Variants in MINDY3 observed in about 807,000 individuals in gnomAD.
The protein encoded by MINDY3 is ubiquitin carboxyl-terminal hydrolase MINDY-3.
A neutral mutation model predicts 69.2 loss-of-function variants in MINDY3; 38 were observed. That is an observed-to-expected ratio of 0.55 (90% confidence interval 0.42 to 0.72). MINDY3 has a LOEUF of 0.72. Ranked by LOEUF, MINDY3 falls within the 30% of genes least tolerant of loss-of-function variation. The probability of loss-of-function intolerance (pLI) is 0.00; values close to 1 mark genes in which losing one functional copy is unlikely to be tolerated. For missense variants in MINDY3, 522 were observed against 519.0 expected (o/e 1.01, Z -0.06); for synonymous variants, 192 against 180.1 (o/e 1.07, Z -0.53).
At chr10:15,845,228 A>G (rs1330275981) in intron 2 of MINDY3, among the ~76,000 whole-genome samples, 1 of 152,140 alleles carries the variant, frequency 6.6e-6, no homozygotes, top group Non-Finnish European at 1.5e-5. Flanking sequence ...ATGGAAGTTT[A>G]TTTTATTTCA....
chr10:15,849,731 A>T (rs1260875181), intron 1 of MINDY3, among the ~76,000 whole-genome samples: 1 of 152,134 alleles, frequency 6.6e-6, no homozygotes, highest in East Asian at 1.9e-4. Context: ...ATTCCATCCC[A>T]TCTCCTCTCT....
chr10:15,824,441 T>C (rs1839959907), intron 8 of MINDY3, among the ~76,000 whole-genome samples: 1 of 152,214 alleles, frequency 6.6e-6, no homozygotes, highest in Admixed American at 6.5e-5. Flanking sequence ...TCTCAATCTT[T>C]AACATGAAAA....
intron 8 of MINDY3, among the ~76,000 whole-genome samples, chr10:15,830,738 G>T (rs1840398815): frequency 6.6e-6 from 1 of 152,224 alleles, no homozygotes; most frequent in South Asian, 2.1e-4. Flanking sequence ...TAGGAAAAAG[G>T]CTACGATTTT....
chr10:15,789,326 GGGA>G lies in MINDY3; in HGVS notation c.956-10_956-8del. The stretch of plus-strand genomic sequence containing the variant: ...TCGGGTATGAATCCATTATCTAGGG[GGGA>G]AAAAATCAGAAACAACTTGAAATAA... On this transcript the variant is annotated splice_region_variant and splice_polypyrimidine_tract_variant and intron_variant, in intron 11 of 14. Transcript: ENST00000277632. 6.2e-7 allele frequency: 1 copy of G among 1,605,818 alleles called. No individual in the cohort carries two copies. The highest frequency in any genetic ancestry group is 8.5e-7 in the Non-Finnish European group (1 of 1,174,084).
Position 15,837,278 on chromosome 10 carries a change from C to G in MINDY3, c.502G>C (p.Val168Leu). 3.7e-6 allele frequency: 6 copies of G among 1,606,524 alleles called. No individual in the cohort carries two copies. The highest frequency in any genetic ancestry group is 5.1e-6 in the Non-Finnish European group (6 of 1,176,728). Reference protein sequence around the residue: ...FRSLPELKDAVLDQYSMWGNK... With the variant: ...FRSLPELKDALLDQYSMWGNK... The stretch of plus-strand genomic sequence containing the variant: ...CCCCACATTGAATACTGGTCCAAGA[C>G]AGCATCTTTTAATTCTGGTAAACTT... The change falls in exon 6 of 15, where the codon GTC (valine) becomes CTC (leucine). Residue 168 changes from valine to leucine, a missense_variant. Physicochemically the swap from Val to Leu is conservative, Grantham distance 32 (BLOSUM62 1). Coordinates refer to ENST00000277632, the MANE Select transcript of MINDY3 (RefSeq NM_024948.4).
intron 10 of MINDY3, among the ~76,000 whole-genome samples, chr10:15,799,672 T>C (rs1308961160): frequency 1.3e-5 from 2 of 152,100 alleles, no homozygotes; most frequent in East Asian, 1.9e-4. Context: ...TGTGACTTCA[T>C]AGCACACAGG....
chr10:15,853,399 G>T (rs1313680013), intron 1 of MINDY3, among the ~76,000 whole-genome samples: 1 of 152,048 alleles, frequency 6.6e-6, no homozygotes. Context: ...CATTCACAGT[G>T]ATGGTACAAA....
At chr10:15,848,191 A>G (rs182134453) in intron 1 of MINDY3, among the ~76,000 whole-genome samples, 92 of 152,342 alleles carry the variant, frequency 6.0e-4, no homozygotes, top group Middle Eastern at 3.4e-3. Context: ...TAGGAGGATA[A>G]AGTATGGACT....
chr10:15,836,841 C>T (rs1037087644), intron 6 of MINDY3, among the ~76,000 whole-genome samples: 1 of 151,596 alleles, frequency 6.6e-6, no homozygotes, highest in African/African-American at 2.4e-5. Context: ...AGAAAGAAAA[C>T]TCACACAGTG....
chr10:15,832,352 G>C (rs1196881479), intron 8 of MINDY3, among the ~76,000 whole-genome samples: 1 of 152,084 alleles, frequency 6.6e-6, no homozygotes. Flanking sequence ...ACTGGAAGAA[G>C]AAGAAAGACG....
At chr10:15,793,536 T>C (rs1489233218) in intron 11 of MINDY3, among the ~76,000 whole-genome samples, 2 of 152,156 alleles carry the variant, frequency 1.3e-5, no homozygotes, top group Non-Finnish European at 2.9e-5. Context: ...CTTACTCCAT[T>C]AAATTAACAG....
chr10:15,855,482 A>C (rs1834624637), intron 1 of MINDY3, among the ~76,000 whole-genome samples: 1 of 152,070 alleles, frequency 6.6e-6, no homozygotes, highest in African/African-American at 2.4e-5. Context: ...TACGTCTGAA[A>C]TTACCCATCT....
chr10:15,837,992 G>C, intron 5 of MINDY3: 1 of 974,426 alleles, frequency 1.0e-6, no homozygotes, highest in Non-Finnish European at 1.2e-6. Context: ...TGATGAAAAA[G>C]CTTTTTAATG....
intron 1 of MINDY3, among the ~76,000 whole-genome samples, chr10:15,849,966 G>C (rs555686328): frequency 6.6e-6 from 1 of 152,220 alleles, no homozygotes; most frequent in East Asian, 1.9e-4. Flanking sequence ...GAATGTTGCG[G>C]GAAGTTAGGG....
At chr10:15,837,168 TAATC>T (rs748204806) in intron 6 of MINDY3, 32 bp downstream of exon 6, 1 of 1,240,184 alleles carries the variant, frequency 8.1e-7, no homozygotes, top group African/African-American at 1.5e-5. Flanking sequence ...TGAACAACAT[TAATC>T]AAAGGCAGAA....
At chr10:15,807,975 C>A (rs902042580) in intron 10 of MINDY3, among the ~76,000 whole-genome samples, 1 of 152,146 alleles carries the variant, frequency 6.6e-6, no homozygotes. Context: ...TATTGTGGTA[C>A]AAGTCATTGG....
chr10:15,809,574 A>C (rs930054507), intron 10 of MINDY3, among the ~76,000 whole-genome samples: 1 of 152,044 alleles, frequency 6.6e-6, no homozygotes, highest in Non-Finnish European at 1.5e-5. Flanking sequence ...CATCGTACTT[A>C]ATAGGAATTA....
chr10:15,801,777 T>G (rs940177059), intron 10 of MINDY3, among the ~76,000 whole-genome samples: 1 of 152,024 alleles, frequency 6.6e-6, no homozygotes, highest in African/African-American at 2.4e-5. Context: ...CAAAACATAT[T>G]CCTGCTAGAG....
chr10:15,796,919 C>T lies in MINDY3; in HGVS notation c.883-747G>A, dbSNP rs532265087. Among the ~76,000 whole-genome samples the T allele has an allele frequency of 3.9e-5, 6 of 152,140 alleles. No individual in the cohort carries two copies. In the South Asian group the frequency reaches 1.2e-3, roughly 32 times the overall value. On this transcript the variant is annotated intron_variant, in intron 10 of 14. Coordinates refer to ENST00000277632, the MANE Select transcript of MINDY3 (RefSeq NM_024948.4). ...CACACATGAATCTAAAATGTAGGCT[C>T]CTGTTGTTTACCTCTGGTTAGCTTT...
Sources: allele counts gnomAD v4.1 joint callset (sites outside exome capture counted in the v4.1 genomes callset), GRCh38; gene constraint gnomAD v4.1.1; transcripts MANE v1.5; gene names NCBI Gene and HGNC (gene_info 2026-07-23, HGNC 2026-07-21).